Variants in TRPC4 observed in about 807,000 individuals in gnomAD.
TRPC4 encodes transient receptor potential cation channel subfamily C member 4.
In TRPC4, 49 loss-of-function variants were observed where a neutral mutation model predicts 99.4. The ratio of observed to expected loss-of-function variants is 0.49; its 90% CI spans 0.39 to 0.63. TRPC4 has a LOEUF of 0.63. Ranked by LOEUF, TRPC4 falls within the 20% of genes least tolerant of loss-of-function variation. TRPC4 has a pLI of 0.00. For synonymous variants in TRPC4, 454 were observed against 425.9 expected (o/e 1.07, Z -0.81); for missense variants, 898 against 1,152.9 (o/e 0.78, Z 3.20).
intron 3 of TRPC4, among the ~76,000 whole-genome samples, chr13:37,741,502 C>A (rs139583042): frequency 1.6e-4 from 24 of 152,258 alleles, no homozygotes; most frequent in African/African-American, 5.8e-4. Context: ...GATGGGAGTG[C>A]TTGGTCAAGG....
intron 1 of TRPC4, among the ~76,000 whole-genome samples, chr13:37,793,934 A>G (rs935539758): frequency 6.6e-6 from 1 of 152,182 alleles, no homozygotes; most frequent in Non-Finnish European, 1.5e-5. Flanking sequence ...CAATTCTGCT[A>G]TTAATTGTTG....
intron 6 of TRPC4, among the ~76,000 whole-genome samples, chr13:37,660,095 T>C (rs1420703138): frequency 2.0e-5 from 3 of 152,126 alleles, no homozygotes; most frequent in Admixed American, 6.6e-5. Context: ...TGAGTTTTCA[T>C]AGGGGTACTG....
At chr13:37,810,352 A>T (rs2139471013) in intron 1 of TRPC4, among the ~76,000 whole-genome samples, 1 of 152,176 alleles carries the variant, frequency 6.6e-6, no homozygotes, top group East Asian at 1.9e-4. Flanking sequence ...AAGATATTTT[A>T]GAATTGGTAG....
At chr13:37,857,316 A>C (rs1449620488) in intron 1 of TRPC4, among the ~76,000 whole-genome samples, 1 of 151,772 alleles carries the variant, frequency 6.6e-6, no homozygotes, top group African/African-American at 2.4e-5. Context: ...GATTGGAAGA[A>C]TCAATACTGG....
chr13:37,652,526 A>G (rs1952081417), intron 7 of TRPC4, among the ~76,000 whole-genome samples: 1 of 152,226 alleles, frequency 6.6e-6, no homozygotes, highest in Admixed American at 6.5e-5. Context: ...ATGTTTGGTA[A>G]TATGGATTGA....
intron 1 of TRPC4, among the ~76,000 whole-genome samples, chr13:37,859,009 G>C (rs1959198406): frequency 6.6e-6 from 1 of 151,210 alleles, no homozygotes; most frequent in Non-Finnish European, 1.5e-5. Context: ...GATTATTACT[G>C]ACTGCGTGCC....
At chr13:37,806,043 GC>G (rs1957522228) in intron 1 of TRPC4, among the ~76,000 whole-genome samples, 1 of 151,966 alleles carries the variant, frequency 6.6e-6, no homozygotes, top group Non-Finnish European at 1.5e-5. Context: ...TAAGTTCATA[GC>G]ATAACATTGG....
chr13:37,746,567 G>T (rs1981055), intron 2 of TRPC4, 112 bp from the exon 3 acceptor site: 518,105 of 837,408 alleles, frequency 0.62, 107,915 homozygotes, highest in African/African-American at 0.78. Flanking sequence ...CCTTGGCCGG[G>T]TTTTTTTTTT....
chr13:37,641,140 T>A (rs1446053862), intron 8 of TRPC4, among the ~76,000 whole-genome samples: 1 of 152,170 alleles, frequency 6.6e-6, no homozygotes, highest in East Asian at 1.9e-4. Flanking sequence ...AAACTGTCTT[T>A]CCTTCAGTAG....
chr13:37,824,047 G>C (rs941534020), intron 1 of TRPC4, among the ~76,000 whole-genome samples: 1 of 141,832 alleles, frequency 7.1e-6, no homozygotes, highest in South Asian at 2.3e-4. Flanking sequence ...GTGAATGGGA[G>C]TTCCCTCATG....
intron 3 of TRPC4, among the ~76,000 whole-genome samples, chr13:37,731,705 TTTAAA>T (rs1368097507): frequency 2.6e-5 from 4 of 152,084 alleles, no homozygotes; most frequent in Non-Finnish European, 1.5e-5. Context: ...ATCAATATTA[TTTAAA>T]TTGTTTTATC....
At chr13:37,817,162 A>G (rs999279457) in intron 1 of TRPC4, among the ~76,000 whole-genome samples, 5 of 152,064 alleles carry the variant, frequency 3.3e-5, no homozygotes, top group African/African-American at 1.2e-4. Flanking sequence ...CTGATACACA[A>G]CTTCCGCAAA....
chr13:37,716,984 A>C (rs17056499), intron 3 of TRPC4, among the ~76,000 whole-genome samples: 12,598 of 152,118 alleles, frequency 0.083, 651 homozygotes, highest in Middle Eastern at 0.24. Flanking sequence ...TTATATAACC[A>C]AACGCACACT....
chr13:37,832,261 A>C (rs1027623610), intron 1 of TRPC4, among the ~76,000 whole-genome samples: 2 of 152,144 alleles, frequency 1.3e-5, no homozygotes, highest in East Asian at 1.9e-4. Flanking sequence ...AAAAATACTC[A>C]ATTTGGCCAC....
In TRPC4 at chr13:37,783,353, C is replaced by A. The variant is rs369356300; in HGVS notation, c.-20G>T. The A allele has an allele frequency of 4.6e-6, 7 of 1,520,540 alleles. No homozygotes were observed. The African/African-American group carries it at 9.8e-5, about 21-fold the overall frequency. 94.2% of individuals were successfully genotyped at this position (1,520,540 alleles called of 1,614,324 possible). A position where few individuals can be genotyped will look rare whatever the true frequency, so the allele number is the denominator to read the frequency against. On this transcript the variant is annotated 5_prime_UTR_variant, in exon 2 of 11. Coordinates refer to ENST00000379705, the MANE Select transcript of TRPC4 (RefSeq NM_016179.4). ...AGCCATGTTTCATGCCATGCTATTT[C>A]TTCGTCTCTGAAAGTAGAAACAAAA... is the stretch of plus-strand genomic sequence containing the variant.
At chr13:37,718,079 A>G (rs1484612793) in intron 3 of TRPC4, among the ~76,000 whole-genome samples, 1 of 151,984 alleles carries the variant, frequency 6.6e-6, no homozygotes, top group Non-Finnish European at 1.5e-5. Context: ...ACAAAAATAT[A>G]TGACAGTATT....
At position 37,698,372 on chromosome 13, in the gene TRPC4, A is replaced by G. The variant is rs142633786; in HGVS notation, c.898-6037T>C. 8.7e-3 allele frequency among the ~76,000 whole-genome samples: 1,313 copies of G among 151,352 alleles called. 13 individuals carry two copies. The highest frequency in any genetic ancestry group is 0.03 in the African/African-American group (1,247 of 41,214). Reference sequence around the variant, plus strand: ...GAGTCAGGGTTTCACTGTGTGAGCCAGGATGGTCTCGATCTCCTGACCTCG... The same window carrying G: ...GAGTCAGGGTTTCACTGTGTGAGCCGGGATGGTCTCGATCTCCTGACCTCG... On this transcript the variant is annotated intron_variant, in intron 3 of 10. Transcript: ENST00000379705.
At chr13:37,761,609 C>T (rs936961519) in intron 2 of TRPC4, among the ~76,000 whole-genome samples, 2 of 151,894 alleles carry the variant, frequency 1.3e-5, no homozygotes, top group Admixed American at 6.6e-5. Context: ...TCAAAGCCTT[C>T]TCAAAGTTAG....
At chr13:37,673,454 C>T (rs551150062) in intron 5 of TRPC4, among the ~76,000 whole-genome samples, 1 of 120,970 alleles carries the variant, frequency 8.3e-6, no homozygotes, top group South Asian at 3.5e-4. Context: ...ATGTCACACC[C>T]AATTAGATAT....
Sources: gnomAD v4.1 joint callset for allele counts (sites outside exome capture counted in the v4.1 genomes callset) on GRCh38, gnomAD v4.1.1 for gene constraint, MANE v1.5 for transcripts, NCBI Gene and HGNC (gene_info 2026-07-23, HGNC 2026-07-21) for gene names.